ADGRL3: variants seen among roughly 807,000 people sequenced by gnomAD.
ADGRL3 encodes adhesion G protein-coupled receptor L3.
In ADGRL3, 62 loss-of-function variants were observed where a neutral mutation model predicts 153.5. The observed-to-expected ratio is 0.40, with a 90% CI of 0.33 to 0.50. ADGRL3 has a LOEUF of 0.50. ADGRL3 is among the 20% of genes least tolerant of loss of function. The pLI is 0.47. For missense variants in ADGRL3, 1,641 were observed against 1,859.4 expected, an observed-to-expected ratio of 0.88 and a Z score of 2.16; for synonymous variants, 710 against 672.5, an observed-to-expected ratio of 1.06 and a Z score of -0.86.
intron 5 of ADGRL3, among the ~76,000 whole-genome samples, chr4:61,633,997 A>G (rs572183513): frequency 1.5e-4 from 22 of 151,554 alleles, no homozygotes; most frequent in East Asian, 9.7e-4. Flanking sequence ...CAACTCTAAT[A>G]CCAATTTTTC....
chr4:61,548,367 C>T (rs1011466616), intron 4 of ADGRL3, among the ~76,000 whole-genome samples: 1 of 151,922 alleles, frequency 6.6e-6, no homozygotes, highest in African/African-American at 2.4e-5. Context: ...GGCCTGTGTC[C>T]GCAATGATAT....
chr4:61,934,860 C>T lies in ADGRL3; in HGVS notation c.2133C>T (p.Asn711=). 1 of 1,613,660 alleles carries T rather than the reference C, an allele frequency of 6.2e-7. No homozygotes were observed. The highest frequency in any genetic ancestry group is 8.5e-7 in the Non-Finnish European group (1 of 1,179,748). The change falls in exon 14 of 27, where the codon AAC becomes AAT. Residue 711 remains asparagine (N), a synonymous_variant. Transcript: ENST00000683033. ...TGTAGGCAATGGTCGAGACAGTTAA[C>T]AACCTCCTTCAGCCACAAGCTTTGA... ...AYVQAMVETV[N]NLLQPQALNA... is the part of the protein sequence containing the mutation.
rs538527910 is a variant in ADGRL3, at chr4:61,515,651, C to T, written c.56-1664C>T. ...TAAATGTGCTTATATTTTAACTTGG[C>T]TGAGGATAAAATCTTTCAATTTTTG... On this transcript the variant is annotated intron_variant, in intron 3 of 26. Transcript: ENST00000683033. Among the ~76,000 whole-genome samples the T allele has an allele frequency of 2.0e-5, 3 of 152,184 alleles. No homozygotes were observed. The East Asian group carries it at 5.8e-4, about 29-fold the overall frequency.
At chr4:61,428,885 T>TATATC (rs1456560399) in intron 2 of ADGRL3, among the ~76,000 whole-genome samples, 18 of 104,802 alleles carry the variant, frequency 1.7e-4, no homozygotes, top group South Asian at 6.0e-4. Context: ...ATCATCTATC[T>TATATC]ATCTATATCA....
At chr4:61,666,786 C>T (rs1441895621) in intron 5 of ADGRL3, among the ~76,000 whole-genome samples, 1 of 152,062 alleles carries the variant, frequency 6.6e-6, no homozygotes, top group Non-Finnish European at 1.5e-5. Flanking sequence ...AGTACATACT[C>T]CAACTCATTT....
At chr4:61,499,320 T>G (rs111280163) in intron 3 of ADGRL3, among the ~76,000 whole-genome samples, 1 of 152,358 alleles carries the variant, frequency 6.6e-6, no homozygotes, top group African/African-American at 2.4e-5. Flanking sequence ...ACCATCTTGT[T>G]TTAAGCAAAT....
chr4:61,456,576 T>A (rs1482328072), intron 2 of ADGRL3, among the ~76,000 whole-genome samples: 1 of 149,894 alleles, frequency 6.7e-6, no homozygotes, highest in African/African-American at 2.4e-5. Flanking sequence ...CTTTATCCCA[T>A]ACTTATTGTC....
chr4:61,503,371 AT>A (rs1252601934), intron 3 of ADGRL3, among the ~76,000 whole-genome samples: 1 of 152,006 alleles, frequency 6.6e-6, no homozygotes, highest in Non-Finnish European at 1.5e-5. Context: ...AATTTATCCT[AT>A]TTTTTATATT....
rs565678186 is a variant in ADGRL3, at chr4:61,524,596, C to T, written c.259+7078C>T. The stretch of plus-strand genomic sequence containing the variant: ...GTTTCAGTCTCAGCTTTACTGTTTA[C>T]TAACTATCTTACCCAAGTCCAGGGA... On this transcript the variant is annotated intron_variant, in intron 4 of 26. Coordinates refer to ENST00000683033, the MANE Select transcript of ADGRL3 (RefSeq NM_001387552.1). Among the ~76,000 whole-genome samples, 227 of 152,072 alleles carry T rather than the reference C, an allele frequency of 1.5e-3. 1 individual carries two copies. The highest frequency in any genetic ancestry group is 6.8e-3 in the Middle Eastern group (2 of 294).
chr4:61,904,664 G>A (rs2149754318), intron 11 of ADGRL3, among the ~76,000 whole-genome samples: 1 of 115,574 alleles, frequency 8.7e-6, no homozygotes, highest in East Asian at 2.6e-4. Flanking sequence ...AACTATGTTT[G>A]TATAACTACA....
intron 2 of ADGRL3, among the ~76,000 whole-genome samples, chr4:61,403,568 G>T (rs2096956695): frequency 6.6e-6 from 1 of 152,034 alleles, no homozygotes; most frequent in African/African-American, 2.4e-5. Context: ...CTGGTTGTTT[G>T]TCAGTTGTAT....
chr4:61,951,370 C>T (rs577360929), intron 17 of ADGRL3, among the ~76,000 whole-genome samples: 6 of 152,272 alleles, frequency 3.9e-5, no homozygotes, highest in Non-Finnish European at 5.9e-5. Flanking sequence ...CCAACCCCTT[C>T]AAAAGTAGGA....
chr4:61,810,203 C>A (rs1328636039), intron 8 of ADGRL3, among the ~76,000 whole-genome samples: 1 of 152,072 alleles, frequency 6.6e-6, no homozygotes, highest in Non-Finnish European at 1.5e-5. Context: ...GCCCCACGTA[C>A]CTTGAAAATA....
intron 8 of ADGRL3, among the ~76,000 whole-genome samples, chr4:61,751,799 C>T (rs1179092166): frequency 6.6e-6 from 1 of 152,082 alleles, no homozygotes; most frequent in Non-Finnish European, 1.5e-5. Flanking sequence ...TTGCTAACAA[C>T]ACTCTCATGC....
intron 8 of ADGRL3, among the ~76,000 whole-genome samples, chr4:61,788,423 A>G (rs2152420949): frequency 6.6e-6 from 1 of 152,276 alleles, no homozygotes; most frequent in South Asian, 2.1e-4. Context: ...GGCTAGACCC[A>G]GAAGAGCAAT....
intron 4 of ADGRL3, among the ~76,000 whole-genome samples, chr4:61,581,000 C>T (rs1049174524): frequency 3.3e-5 from 5 of 151,964 alleles, no homozygotes; most frequent in South Asian, 4.1e-4. Context: ...AAAATTGCCA[C>T]GTGTGTTGAT....
intron 22 of ADGRL3, among the ~76,000 whole-genome samples, chr4:62,030,892 T>C (rs1721642077): frequency 6.6e-6 from 1 of 151,574 alleles, no homozygotes. Context: ...TTTATAAATA[T>C]AGAATTAGAC....
At chr4:61,847,979 A>T (rs371339697) in intron 9 of ADGRL3, among the ~76,000 whole-genome samples, 814 of 14,646 alleles carry the variant, frequency 0.056, 7 homozygotes, top group Non-Finnish European at 0.077. Flanking sequence ...ATATAATATA[A>T]AATATATTAT....
At chr4:61,215,112 A>T (rs932542624) in intron 1 of ADGRL3, among the ~76,000 whole-genome samples, 2 of 152,194 alleles carry the variant, frequency 1.3e-5, no homozygotes, top group African/African-American at 4.8e-5. Flanking sequence ...GAGACTTTAA[A>T]CAATATCTTT....
Sources: gnomAD v4.1 joint callset for allele counts (sites outside exome capture counted in the v4.1 genomes callset) on GRCh38, gnomAD v4.1.1 for gene constraint, MANE v1.5 for transcripts, NCBI Gene and HGNC (gene_info 2026-07-23, HGNC 2026-07-21) for gene names.